Variants in BCKDHB observed in about 807,000 individuals in gnomAD.
BCKDHB encodes 2-oxoisovalerate dehydrogenase subunit beta, mitochondrial.
In BCKDHB, 41 loss-of-function variants were observed where a neutral mutation model predicts 48.5. That is an observed-to-expected ratio of 0.85 (90% CI 0.66 to 1.10). The LOEUF is 1.10. Ranked by LOEUF, BCKDHB falls within the 50% of genes least tolerant of loss-of-function variation. BCKDHB has a pLI of 0.00. For missense variants in BCKDHB, 496 were observed against 494.2 expected, an observed-to-expected ratio of 1.00 and a Z score of -0.03; for synonymous variants, 201 against 174.8, an observed-to-expected ratio of 1.15 and a Z score of -1.18.
intron 8 of BCKDHB, among the ~76,000 whole-genome samples, chr6:80,243,443 A>G (rs1776476770): frequency 6.6e-6 from 1 of 152,238 alleles, no homozygotes; most frequent in African/African-American, 2.4e-5. Context: ...GATAGAAAGA[A>G]TATCTTAAAC....
At chr6:80,232,718 A>G (rs1378536685) in intron 8 of BCKDHB, among the ~76,000 whole-genome samples, 1 of 148,122 alleles carries the variant, frequency 6.8e-6, no homozygotes, top group East Asian at 2.0e-4. Context: ...ATATTATATT[A>G]AAGAGATATG....
At chr6:80,423,810 G>A in the BCKDHB span, among the ~76,000 whole-genome samples, 1 of 152,152 alleles carries the variant, frequency 6.6e-6, no homozygotes, top group African/African-American at 2.4e-5. Context: ...AGCTCTTTAT[G>A]TATGGGTACT....
rs779314287 is a variant in BCKDHB, at chr6:80,203,222, T to C, written c.951+10T>C. 8 of 1,533,714 alleles carry C rather than the reference T, an allele frequency of 5.2e-6. No homozygotes were observed. Among genetic ancestry groups the C allele is most frequent in the Non-Finnish European group, 6.3e-6 (7 of 1,107,174 alleles). Reference sequence around the variant, plus strand: ...GGACACAATTTGTAAGGTATGAATATAATGGTGATAGAATGTCATTTCCCT... The same window carrying C: ...GGACACAATTTGTAAGGTATGAATACAATGGTGATAGAATGTCATTTCCCT... On this transcript the variant is annotated intron_variant, in intron 8 of 9. Coordinates refer to ENST00000320393, the MANE Select transcript of BCKDHB (RefSeq NM_183050.4).
chr6:80,113,598 A>G (rs1255834028), intron 1 of BCKDHB, among the ~76,000 whole-genome samples: 5 of 152,222 alleles, frequency 3.3e-5, no homozygotes, highest in Admixed American at 3.3e-4. Context: ...GAGAAGAAAA[A>G]TAAATCTCCA....
the BCKDHB span, among the ~76,000 whole-genome samples, chr6:80,436,204 A>G: frequency 9.0e-6 from 1 of 110,766 alleles, no homozygotes; most frequent in African/African-American, 3.4e-5. Context: ...CCCAGGCTGG[A>G]GTGGAGTGCA....
chr6:80,193,184 T>C (rs1426897972), intron 6 of BCKDHB, among the ~76,000 whole-genome samples: 1 of 152,118 alleles, frequency 6.6e-6, no homozygotes, highest in African/African-American at 2.4e-5. Context: ...GAACTGGAAA[T>C]GTGAGACTTA....
At chr6:80,431,266 C>A in the BCKDHB span, among the ~76,000 whole-genome samples, 1 of 152,092 alleles carries the variant, frequency 6.6e-6, no homozygotes, top group African/African-American at 2.4e-5. Flanking sequence ...AGAATAAGTG[C>A]AATGAGTTGC....
At chr6:80,196,077 T>C (rs1774114868) in intron 6 of BCKDHB, among the ~76,000 whole-genome samples, 2 of 152,160 alleles carry the variant, frequency 1.3e-5, no homozygotes, top group South Asian at 4.1e-4. Flanking sequence ...GTAATGGTAA[T>C]AGTGTGCTTC....
chr6:80,433,301 G>A, the BCKDHB span, among the ~76,000 whole-genome samples: 3 of 152,152 alleles, frequency 2.0e-5, no homozygotes, highest in African/African-American at 7.2e-5. Flanking sequence ...CAGGGAGATG[G>A]GGGTTTTATT....
the BCKDHB span, among the ~76,000 whole-genome samples, chr6:80,408,776 T>C: frequency 1.4e-5 from 2 of 144,720 alleles, no homozygotes; most frequent in African/African-American, 2.6e-5. Flanking sequence ...GCTAGCGGTC[T>C]ATCTATTTTG....
At chr6:80,360,907 A>T in the BCKDHB span, among the ~76,000 whole-genome samples, 1 of 149,942 alleles carries the variant, frequency 6.7e-6, no homozygotes, top group Non-Finnish European at 1.5e-5. Flanking sequence ...CAGGAGGCTG[A>T]GGCAGGAGAA....
At chr6:80,437,486 A>G in the BCKDHB span, among the ~76,000 whole-genome samples, 29 of 152,190 alleles carry the variant, frequency 1.9e-4, no homozygotes, top group Non-Finnish European at 3.4e-4. Context: ...TCTCCCAGCC[A>G]TAGTTACTAC....
chr6:80,126,660 G>A (rs1770357738), intron 1 of BCKDHB, among the ~76,000 whole-genome samples: 2 of 152,134 alleles, frequency 1.3e-5, no homozygotes, highest in African/African-American at 4.8e-5. Context: ...AAGCCGTTCT[G>A]TGCTCTGAAT....
At chr6:80,385,588 A>C in the BCKDHB span, among the ~76,000 whole-genome samples, 3 of 152,182 alleles carry the variant, frequency 2.0e-5, no homozygotes, top group African/African-American at 7.2e-5. Context: ...TAAACCCTGC[A>C]CTGCCTGAGG....
intron 6 of BCKDHB, among the ~76,000 whole-genome samples, chr6:80,197,331 T>C (rs1193913463): frequency 6.6e-5 from 10 of 152,336 alleles, no homozygotes; most frequent in African/African-American, 2.2e-4. Flanking sequence ...TTAATTCTTA[T>C]TCTCCTGTTC....
rs1017642212 is a variant in BCKDHB, at chr6:80,337,572, T to C, written c.1039-6092T>C. On this transcript the variant is annotated intron_variant, in intron 9 of 9. Coordinates refer to ENST00000320393, the MANE Select transcript of BCKDHB (RefSeq NM_183050.4). The stretch of plus-strand genomic sequence containing the variant: ...ATGATAGCTCCATGATCGCTATATG[T>C]TCTGTTCAATACTCATTATATTTAT... 7.9e-5 allele frequency among the ~76,000 whole-genome samples: 12 copies of C among 151,802 alleles called. 1 individual carries two copies. The highest frequency in any genetic ancestry group is 5.9e-4 in the Admixed American group (9 of 15,224).
intron 9 of BCKDHB, among the ~76,000 whole-genome samples, chr6:80,292,698 A>G (rs576260954): frequency 6.6e-6 from 1 of 152,276 alleles, no homozygotes; most frequent in South Asian, 2.1e-4. Context: ...CATTAACTAA[A>G]AAGTCCACAG....
At chr6:80,304,866 C>T (rs965288567) in intron 9 of BCKDHB, among the ~76,000 whole-genome samples, 2 of 152,038 alleles carry the variant, frequency 1.3e-5, no homozygotes, top group African/African-American at 4.8e-5. Flanking sequence ...TAAGTACCAG[C>T]TTATCATTAA....
At chr6:80,438,756 T>C in the BCKDHB span, among the ~76,000 whole-genome samples, 19 of 152,224 alleles carry the variant, frequency 1.2e-4, no homozygotes, top group African/African-American at 4.1e-4. Context: ...CAAACACATA[T>C]CATTTTCTGA....
Sources: gnomAD v4.1 joint callset for allele counts (sites outside exome capture counted in the v4.1 genomes callset) on GRCh38, gnomAD v4.1.1 for gene constraint, MANE v1.5 for transcripts, NCBI Gene and HGNC (gene_info 2026-07-23, HGNC 2026-07-21) for gene names.